TRAPPC13: variants seen among roughly 807,000 people sequenced by gnomAD.
TRAPPC13 encodes trafficking protein particle complex subunit 13.
TRAPPC13 carries 39 observed loss-of-function variants against 54.0 expected under a neutral mutation model. That is an observed-to-expected ratio of 0.72 (90% confidence interval 0.56 to 0.94). The LOEUF (loss-of-function observed/expected upper bound fraction) is 0.94. Ranked by LOEUF, TRAPPC13 falls within the 40% of genes least tolerant of loss-of-function variation. TRAPPC13 has a pLI of 0.00. For synonymous variants in TRAPPC13, 148 were observed against 167.7 expected (o/e 0.88, Z 0.91); for missense variants, 386 against 488.1 (o/e 0.79, Z 1.97).
At chr5:65,644,451 C>T (rs190001214) in intron 4 of TRAPPC13, among the ~76,000 whole-genome samples, 1 of 152,188 alleles carries the variant, frequency 6.6e-6, no homozygotes, top group Non-Finnish European at 1.5e-5. Context: ...AACCCCTTTC[C>T]TCTTTGCCTT....
At chr5:65,645,123 G>A (rs566836022) in intron 4 of TRAPPC13, among the ~76,000 whole-genome samples, 3 of 146,352 alleles carry the variant, frequency 2.0e-5, no homozygotes, top group South Asian at 4.3e-4. Context: ...GCCTGAACCT[G>A]GTAGGCAGAG....
rs1171559467 is a variant in TRAPPC13 at position 65,647,065 on chromosome 5, A to G, written c.311A>G (p.Gln104Arg). The stretch of plus-strand genomic sequence containing the variant: ...TAACTTTCTTTCAAGGCTGATCTTC[A>G]GACAAGTTCTCAGCGTTTAAATCTT... ...VKDILVKADL[Q>R]TSSQRLNLSA... Residue 104 changes from glutamine (Q) to arginine (R), a missense_variant, in exon 5 of 13, where the codon CAG (glutamine) becomes CGG (arginine). Transcript: ENST00000399438. The G allele has an allele frequency of 1.3e-6, 2 of 1,536,472 alleles. No individual in the cohort carries two copies. Among genetic ancestry groups the G allele is most frequent in the Non-Finnish European group, 1.8e-6 (2 of 1,141,986 alleles).
intron 4 of TRAPPC13, among the ~76,000 whole-genome samples, chr5:65,643,803 T>C (rs1254444777): frequency 1.8e-3 from 220 of 125,620 alleles, no homozygotes; most frequent in Non-Finnish European, 2.8e-3. Flanking sequence ...GGCGACAGAG[T>C]GAGACTCCGT....
At position 65,646,980 on chromosome 5, in the gene TRAPPC13, C is replaced by T. The variant is rs191136335; in HGVS notation, c.301-75C>T. 302 of 1,341,172 alleles carry T rather than the reference C, an allele frequency of 2.3e-4. 1 individual carries two copies. Among genetic ancestry groups the T allele is most frequent in the Non-Finnish European group, 1.6e-5 (16 of 1,000,126 alleles). 83.1% of individuals were successfully genotyped at this position (1,341,172 alleles called of 1,614,324 possible). ...CTAATTCTTATTCCCCTATTCTTTC[C>T]ACTCATAGCCATGCACACCCTGTAG... On this transcript the variant is annotated intron_variant, in intron 4 of 12. Coordinates refer to ENST00000399438, the MANE Select transcript of TRAPPC13 (RefSeq NM_024941.4).
chr5:65,651,842 GTTTTTTTTTTTTTTTTTTTT>G (rs762929434), intron 6 of TRAPPC13, among the ~76,000 whole-genome samples: 11 of 41,160 alleles, frequency 2.7e-4, no homozygotes, highest in Admixed American at 2.3e-3. Context: ...ACGTGATTCA[GTTTTTTTTTTTTTTTTTTTT>G]TTTTTTTTTT....
rs757258447 is a variant in TRAPPC13, at chr5:65,660,680, C to T, written c.699-19C>T. ...AGATGCTAGAGAATTTTCTCCGTCT[C>T]TGTCTCCACCCCTCTCAGTGTGTCT... On this transcript the variant is annotated intron_variant, in intron 9 of 12. Coordinates refer to ENST00000399438, the MANE Select transcript of TRAPPC13 (RefSeq NM_024941.4). 1.9e-6 allele frequency: 3 copies of T among 1,548,536 alleles called. No homozygotes were observed. In the East Asian group the frequency reaches 6.9e-5, roughly 36 times the overall value.
intron 4 of TRAPPC13, among the ~76,000 whole-genome samples, chr5:65,646,777 A>C (rs531899958): frequency 6.6e-6 from 1 of 152,238 alleles, no homozygotes; most frequent in Admixed American, 6.5e-5. Flanking sequence ...TTTGTAATGC[A>C]GTTAGGTTCA....
At chr5:65,653,131 G>GC (rs937645330) in intron 7 of TRAPPC13, among the ~76,000 whole-genome samples, 11 of 30,186 alleles carry the variant, frequency 3.6e-4, no homozygotes, top group African/African-American at 1.2e-3. Context: ...AATAGAACTT[G>GC]CCCAAAAAAA....
At chr5:65,640,810 A>G (rs1441601180) in intron 4 of TRAPPC13, among the ~76,000 whole-genome samples, 1 of 152,214 alleles carries the variant, frequency 6.6e-6, no homozygotes, top group Non-Finnish European at 1.5e-5. Context: ...CTAAAACATG[A>G]TTTTATATTT....
In TRAPPC13 at chr5:65,666,049, T is replaced by G. The variant is rs972144416; in HGVS notation, c.*1438T>G. On this transcript the variant is annotated 3_prime_UTR_variant, in exon 13 of 13. Coordinates refer to ENST00000399438, the MANE Select transcript of TRAPPC13 (RefSeq NM_024941.4). ...TAATTAATGAAATGTCTGTACAAAA[T>G]AAAGTGCAAGCAGTGTAAAATTGAA... 2 of 152,548 alleles carry G rather than the reference T, an allele frequency of 1.3e-5. No individual in the cohort carries two copies. The highest frequency in any genetic ancestry group is 2.9e-5 in the Non-Finnish European group (2 of 67,968). 9.4% of individuals were successfully genotyped at this position (152,548 alleles called of 1,614,324 possible). A position where few individuals can be genotyped will look rare whatever the true frequency, so the allele number is the denominator to read the frequency against.
At chr5:65,657,728 A>G (rs1225099240) in intron 8 of TRAPPC13, among the ~76,000 whole-genome samples, 1 of 152,208 alleles carries the variant, frequency 6.6e-6, no homozygotes, top group African/African-American at 2.4e-5. Context: ...TGAGGCTACA[A>G]AATACCTTTT....
intron 1 of TRAPPC13, among the ~76,000 whole-genome samples, chr5:65,633,387 C>A (rs1248000518): frequency 1.3e-5 from 2 of 152,050 alleles, no homozygotes; most frequent in African/African-American, 2.4e-5. Context: ...TCACGCCATT[C>A]TCCTGCCTCA....
At chr5:65,634,031 G>A (rs1755651484) in intron 1 of TRAPPC13, among the ~76,000 whole-genome samples, 1 of 136,984 alleles carries the variant, frequency 7.3e-6, no homozygotes, top group African/African-American at 2.7e-5. Flanking sequence ...TGTCGCCCAG[G>A]CTGGAGTACA....
At chr5:65,643,121 C>T (rs1447799146) in intron 4 of TRAPPC13, among the ~76,000 whole-genome samples, 1 of 151,368 alleles carries the variant, frequency 6.6e-6, no homozygotes, top group Non-Finnish European at 1.5e-5. Context: ...CACCTTCTAC[C>T]CAAGGGTTGT....
At chr5:65,644,021 TA>T (rs1756087397) in intron 4 of TRAPPC13, among the ~76,000 whole-genome samples, 1 of 152,208 alleles carries the variant, frequency 6.6e-6, no homozygotes, top group African/African-American at 2.4e-5. Context: ...TGGCTAGATT[TA>T]AAATCTTCTG....
chr5:65,630,457 T>C, intron 1 of TRAPPC13: 1 of 1,392,338 alleles, frequency 7.2e-7, no homozygotes, highest in Admixed American at 3.2e-5. Flanking sequence ...TTCCTAGGCT[T>C]GTCAATTAAG....
chr5:65,652,444 A>C (rs1266019315), intron 6 of TRAPPC13, 57 bp from the exon 7 acceptor site: 2 of 1,244,068 alleles, frequency 1.6e-6, no homozygotes, highest in East Asian at 4.7e-5. Flanking sequence ...GATTTAAATA[A>C]ATAAATAAAT....
At chr5:65,650,242 A>G (rs1434132544) in intron 5 of TRAPPC13, among the ~76,000 whole-genome samples, 4 of 135,148 alleles carry the variant, frequency 3.0e-5, no homozygotes, top group Non-Finnish European at 4.6e-5. Context: ...GCTCACCACA[A>G]CCTCCACCTC....
chr5:65,650,155 GC>G (rs1328016027), intron 5 of TRAPPC13, among the ~76,000 whole-genome samples: 42 of 120,752 alleles, frequency 3.5e-4, no homozygotes, highest in African/African-American at 1.4e-3. Flanking sequence ...ACCACACCTG[GC>G]CTTTTTTTTT....
Sources: gnomAD v4.1 joint callset for allele counts (sites outside exome capture counted in the v4.1 genomes callset) on GRCh38, gnomAD v4.1.1 for gene constraint, MANE v1.5 for transcripts, NCBI Gene and HGNC (gene_info 2026-07-23, HGNC 2026-07-21) for gene names.